ARL8B: variants seen among roughly 807,000 people sequenced by gnomAD.
The protein encoded by ARL8B is ADP-ribosylation factor-like protein 8B.
Under a neutral mutation model 30.6 loss-of-function variants are expected in ARL8B, and 9 were observed. That is an observed-to-expected ratio of 0.29 (90% CI 0.18 to 0.51). ARL8B has a LOEUF of 0.51. Ranked by LOEUF, ARL8B falls within the 20% of genes least tolerant of loss-of-function variation. The pLI, the probability that ARL8B is intolerant of heterozygous loss-of-function variation, is 0.97. For synonymous variants in ARL8B, 74 were observed against 76.0 expected, an observed-to-expected ratio of 0.97 and a Z score of 0.14; for missense variants, 130 against 227.2, an observed-to-expected ratio of 0.57 and a Z score of 2.75.
intron 1 of ARL8B, among the ~76,000 whole-genome samples, chr3:5,132,105 T>G (rs1377423548): frequency 1.3e-5 from 2 of 152,136 alleles, no homozygotes; most frequent in Admixed American, 6.5e-5. Context: ...CTCAGGCTGA[T>G]CTTGAACTAC....
At chr3:5,130,107 G>C (rs983756153) in intron 1 of ARL8B, among the ~76,000 whole-genome samples, 7 of 152,092 alleles carry the variant, frequency 4.6e-5, no homozygotes, top group Non-Finnish European at 8.8e-5. Flanking sequence ...CAGGTGATCT[G>C]CCTGCCTTGG....
chr3:5,124,866 C>A (rs1160694542), intron 1 of ARL8B, among the ~76,000 whole-genome samples: 1 of 152,154 alleles, frequency 6.6e-6, no homozygotes, highest in Non-Finnish European at 1.5e-5. Context: ...GAATTGGAGT[C>A]ATCTTGTAAA....
chr3:5,162,956 A>T (rs983225282), intron 1 of ARL8B, among the ~76,000 whole-genome samples: 1 of 142,292 alleles, frequency 7.0e-6, no homozygotes, highest in Non-Finnish European at 1.5e-5. Flanking sequence ...GCCTATCTTT[A>T]TGTCTGTGTG....
intron 1 of ARL8B, among the ~76,000 whole-genome samples, chr3:5,135,681 A>T: frequency 6.7e-6 from 1 of 150,228 alleles, no homozygotes; most frequent in Non-Finnish European, 1.5e-5. Flanking sequence ...CTGGTCTCAA[A>T]CTCCTGACGT....
intron 1 of ARL8B, among the ~76,000 whole-genome samples, chr3:5,166,871 A>T (rs958335997): frequency 7.2e-5 from 11 of 152,196 alleles, no homozygotes; most frequent in African/African-American, 2.7e-4. Context: ...ATGCTAATGA[A>T]TTTGGGAAAA....
chr3:5,165,051 A>G (rs2054612934), intron 1 of ARL8B, among the ~76,000 whole-genome samples: 1 of 152,148 alleles, frequency 6.6e-6, no homozygotes, highest in Non-Finnish European at 1.5e-5. Context: ...ACATGATGTT[A>G]ATCTGAGCAT....
At chr3:5,143,052 C>A (rs2054388455) in intron 1 of ARL8B, among the ~76,000 whole-genome samples, 1 of 152,224 alleles carries the variant, frequency 6.6e-6, no homozygotes, top group Non-Finnish European at 1.5e-5. Context: ...ATACTGTAAT[C>A]TGTATCTGGT....
intron 1 of ARL8B, among the ~76,000 whole-genome samples, chr3:5,147,022 C>CT (rs58037248): frequency 0.39 from 56,852 of 147,568 alleles, 12,141 homozygotes; most frequent in African/African-American, 0.61. Flanking sequence ...TTTTCTTCCT[C>CT]TTTTTTTTTT....
intron 1 of ARL8B, 67 bp from the exon 2 acceptor site, chr3:5,170,436 A>AT: frequency 9.7e-7 from 1 of 1,027,438 alleles, no homozygotes; most frequent in Non-Finnish European, 1.5e-6. Context: ...TGCAATGTTG[A>AT]TATTAGAAGT....
chr3:5,158,911 A>G (rs1000411421), intron 1 of ARL8B, among the ~76,000 whole-genome samples: 4 of 152,138 alleles, frequency 2.6e-5, no homozygotes, highest in African/African-American at 4.8e-5. Context: ...ATGGCTTACA[A>G]ATTTGTAGTA....
chr3:5,134,617 A>G (rs2054309456), intron 1 of ARL8B, among the ~76,000 whole-genome samples: 1 of 152,170 alleles, frequency 6.6e-6, no homozygotes, highest in African/African-American at 2.4e-5. Flanking sequence ...ATAGTGTTAG[A>G]GTATCATTTT....
intron 3 of ARL8B, 87 bp from the exon 4 acceptor site, chr3:5,172,560 T>C: frequency 1.1e-6 from 1 of 919,594 alleles, no homozygotes; most frequent in South Asian, 1.6e-5. Flanking sequence ...ATAATGTAAA[T>C]CTTACAAAAA....
chr3:5,133,306 T>C (rs563297371), intron 1 of ARL8B, among the ~76,000 whole-genome samples: 2 of 152,260 alleles, frequency 1.3e-5, no homozygotes, highest in African/African-American at 4.8e-5. Flanking sequence ...AGGAATAAGA[T>C]AAGACCTGTG....
intron 1 of ARL8B, among the ~76,000 whole-genome samples, chr3:5,134,594 G>A (rs1029085871): frequency 1.3e-5 from 2 of 152,186 alleles, no homozygotes; most frequent in African/African-American, 4.8e-5. Flanking sequence ...TTTGGTGCCA[G>A]GTAAACACGT....
chr3:5,161,968 A>G (rs141837112), intron 1 of ARL8B, among the ~76,000 whole-genome samples: 1 of 152,312 alleles, frequency 6.6e-6, no homozygotes, highest in East Asian at 1.9e-4. Flanking sequence ...GTGAGTACAT[A>G]GAGGCAGAGA....
Position 5,122,398 on chromosome 3 carries a change from C to T in ARL8B, c.-68C>T. ...GTTGGAGGGTCCGGGCGGAGGCCCG[C>T]TCGTGTGGAAGTCGTCGACGCCGCC... On this transcript the variant is annotated 5_prime_UTR_variant, in exon 1 of 7. Coordinates refer to ENST00000256496, the MANE Select transcript of ARL8B (RefSeq NM_018184.3). 2 of 1,604,798 alleles carry T rather than the reference C, an allele frequency of 1.2e-6. No individual in the cohort carries two copies. The highest frequency in any genetic ancestry group is 1.1e-5 in the South Asian group (1 of 90,224).
intron 1 of ARL8B, among the ~76,000 whole-genome samples, chr3:5,166,896 C>A (rs2054629428): frequency 1.3e-5 from 2 of 152,182 alleles, no homozygotes; most frequent in African/African-American, 4.8e-5. Flanking sequence ...CATTTTTCTG[C>A]TGTTGTAGCA....
At chr3:5,171,289 C>T (rs992522052) in intron 2 of ARL8B, among the ~76,000 whole-genome samples, 16 of 152,148 alleles carry the variant, frequency 1.1e-4, no homozygotes, top group South Asian at 4.2e-4. Context: ...TGATGCCCTA[C>T]GGAGTAGACA....
At chr3:5,125,720 A>G (rs760160009) in intron 1 of ARL8B, among the ~76,000 whole-genome samples, 7 of 152,002 alleles carry the variant, frequency 4.6e-5, no homozygotes, top group Non-Finnish European at 7.4e-5. Context: ...TTTAGTAGAG[A>G]CGGGGTTTCA....
Sources: gnomAD v4.1 joint callset for allele counts (sites outside exome capture counted in the v4.1 genomes callset) on GRCh38, gnomAD v4.1.1 for gene constraint, MANE v1.5 for transcripts, NCBI Gene and HGNC (gene_info 2026-07-23, HGNC 2026-07-21) for gene names.